USP7: variants seen among roughly 807,000 people sequenced by gnomAD.
The protein encoded by USP7 is ubiquitin specific peptidase 7.
Under a neutral mutation model 162.9 loss-of-function variants are expected in USP7, and 9 were observed. The ratio of observed to expected loss-of-function variants is 0.06; its 90% CI spans 0.03 to 0.10. USP7 has a LOEUF of 0.10. USP7 is among the 10% of genes least tolerant of loss of function. The probability of loss-of-function intolerance (pLI) is 1.00; values close to 1 mark genes in which losing one functional copy is unlikely to be tolerated. For missense variants in USP7, 715 were observed against 1,373.7 expected (o/e 0.52, Z 7.58); for synonymous variants, 562 against 475.9 (o/e 1.18, Z -2.35).
chr16:8,904,424 C>CG lies in USP7; in HGVS notation c.1704+10dup, dbSNP rs769729147. Reference sequence around the variant, plus strand: ...ATGGTGACCCGGAGTCCCAGAAGGGCGGGGGCTGACCTGCACTTGCATATA... The same window carrying CG: ...ATGGTGACCCGGAGTCCCAGAAGGGCGGGGGGCTGACCTGCACTTGCATATA... On this transcript the variant is annotated intron_variant, in intron 15 of 30. Transcript: ENST00000344836. 4.3e-6 allele frequency: 7 copies of CG among 1,611,956 alleles called. No homozygotes were observed. Among genetic ancestry groups the CG allele is most frequent in the Non-Finnish European group, 5.9e-6 (7 of 1,179,250 alleles).
At position 8,915,427 on chromosome 16, in the gene USP7, G is replaced by A; in HGVS notation, c.987+18C>T. On this transcript the variant is annotated intron_variant, in intron 9 of 30. Coordinates refer to ENST00000344836, the MANE Select transcript of USP7 (RefSeq NM_003470.3). ...TAAAACCTTTAAAAATCATCTTTTA[G>A]AACTGGTAGCCACATACCACCATTT... 6.2e-7 allele frequency: 1 copy of A among 1,613,698 alleles called. No homozygotes were observed. Among genetic ancestry groups the A allele is most frequent in the Non-Finnish European group, 8.5e-7 (1 of 1,179,934 alleles).
chr16:8,899,913 C>A, intron 21 of USP7, 156 bp from the exon 22 acceptor site: 1 of 871,958 alleles, frequency 1.1e-6, no homozygotes, highest in Non-Finnish European at 1.8e-6. Flanking sequence ...TCTGCCTGAG[C>A]TCCCTCTGTA....
chr16:8,926,386 G>A (rs1167444640), intron 2 of USP7, among the ~76,000 whole-genome samples: 1 of 152,134 alleles, frequency 6.6e-6, no homozygotes. Flanking sequence ...GGTCGAGGCA[G>A]GAGAATCGCT....
intron 11 of USP7, among the ~76,000 whole-genome samples, chr16:8,909,211 C>T (rs1417323957): frequency 5.9e-5 from 9 of 152,216 alleles, no homozygotes; most frequent in Non-Finnish European, 1.3e-4. Flanking sequence ...TTGCCTATCT[C>T]GACCACGGCC....
At chr16:8,941,939 C>G (rs1331504833) in intron 1 of USP7, among the ~76,000 whole-genome samples, 1 of 152,182 alleles carries the variant, frequency 6.6e-6, no homozygotes, top group Non-Finnish European at 1.5e-5. Context: ...GGCAAACGCA[C>G]ACAGTGACAG....
intron 1 of USP7, among the ~76,000 whole-genome samples, chr16:8,954,608 G>C (rs1168185856): frequency 6.6e-6 from 1 of 152,214 alleles, no homozygotes; most frequent in African/African-American, 2.4e-5. Context: ...TTTCTACAGA[G>C]ATGAAGACTT....
intron 6 of USP7, among the ~76,000 whole-genome samples, chr16:8,917,899 C>T (rs1897462623): frequency 6.6e-6 from 1 of 152,146 alleles, no homozygotes; most frequent in African/African-American, 2.4e-5. Flanking sequence ...ACGCCATTCT[C>T]CTGCCTCAGC....
At chr16:8,912,234 C>A (rs2061958448) in intron 10 of USP7, among the ~76,000 whole-genome samples, 1 of 152,028 alleles carries the variant, frequency 6.6e-6, no homozygotes, top group Non-Finnish European at 1.5e-5. Context: ...CGTGGATCGC[C>A]TGAGGTCAGG....
At chr16:8,911,407 T>G (rs1209692645) in intron 10 of USP7, among the ~76,000 whole-genome samples, 7 of 152,104 alleles carry the variant, frequency 4.6e-5, no homozygotes, top group Admixed American at 4.6e-4. Flanking sequence ...ATGGTAACAT[T>G]AAGAGTGAAA....
At chr16:8,935,015 C>T (rs867896154) in intron 1 of USP7, among the ~76,000 whole-genome samples, 1 of 152,226 alleles carries the variant, frequency 6.6e-6, no homozygotes, top group Non-Finnish European at 1.5e-5. Context: ...CTGTACTAGA[C>T]TTCTAGAAAT....
Position 8,921,146 on chromosome 16 carries a change from C to T in USP7, c.522+11G>A, listed in dbSNP as rs765270151. The T allele has an allele frequency of 6.2e-7, 1 of 1,613,214 alleles. No homozygotes were observed. Among genetic ancestry groups the T allele is most frequent in the South Asian group, 1.1e-5 (1 of 91,062 alleles). On this transcript the variant is annotated intron_variant, in intron 4 of 30. Coordinates refer to ENST00000344836, the MANE Select transcript of USP7 (RefSeq NM_003470.3). ...GCACCAATTGTTCAGACTAAATACA[C>T]TGTTACTTACACTCCAGGCCATAAA...
At position 8,923,433 on chromosome 16, in the gene USP7, T is replaced by A. The variant is rs202226527; in HGVS notation, c.185-20A>T. On this transcript the variant is annotated intron_variant, in intron 2 of 30. Coordinates refer to ENST00000344836, the MANE Select transcript of USP7 (RefSeq NM_003470.3). The stretch of plus-strand genomic sequence containing the variant: ...TGGTGTCTGCAAAAAAAACACATCA[T>A]CAGTCACAGAGCCTGTGCATTGACC... The A allele has an allele frequency of 1.3e-5, 21 of 1,613,136 alleles. No homozygotes were observed. The highest frequency in any genetic ancestry group is 1.6e-5 in the Non-Finnish European group (19 of 1,179,544).
At chr16:8,936,626 C>G (rs776721993) in intron 1 of USP7, 1 of 1,558,084 alleles carries the variant, frequency 6.4e-7, no homozygotes, top group South Asian at 1.2e-5. Flanking sequence ...CTGCATGGCT[C>G]TGCAGTGGCC....
intron 1 of USP7, among the ~76,000 whole-genome samples, chr16:8,945,420 G>T (rs1899233412): frequency 6.6e-6 from 1 of 152,180 alleles, no homozygotes; most frequent in Non-Finnish European, 1.5e-5. Context: ...AAGACTAGTT[G>T]TCCAGAGAGT....
At chr16:8,916,749 G>A (rs1025477214) in intron 7 of USP7, among the ~76,000 whole-genome samples, 193 bp from the exon 8 acceptor site, 1 of 152,168 alleles carries the variant, frequency 6.6e-6, no homozygotes, top group Non-Finnish European at 1.5e-5. Context: ...CCAAGAAAAT[G>A]TAATAAATCT....
chr16:8,939,821 C>A (rs753750730), intron 1 of USP7, among the ~76,000 whole-genome samples: 1 of 152,214 alleles, frequency 6.6e-6, no homozygotes, highest in African/African-American at 2.4e-5. Context: ...TGTTTCTGGC[C>A]GAGCGCAGTG....
chr16:8,955,719 A>AAAC (rs1899767276), intron 1 of USP7, among the ~76,000 whole-genome samples: 3 of 131,604 alleles, frequency 2.3e-5, no homozygotes, highest in African/African-American at 6.1e-5. Flanking sequence ...AAAAAAAAAA[A>AAAC]AAAAAAACAT....
intron 1 of USP7, chr16:8,949,559 A>C (rs1267005302): frequency 2.0e-5 from 3 of 152,242 alleles, no homozygotes; most frequent in Admixed American, 2.0e-4. Flanking sequence ...CTTACCTCCA[A>C]ATCCCCGAGC....
At chr16:8,935,941 G>C (rs941976254) in intron 1 of USP7, 1 of 152,082 alleles carries the variant, frequency 6.6e-6, no homozygotes, top group African/African-American at 2.4e-5. Flanking sequence ...TTCAGCACGC[G>C]AATCTAACCC....
Sources: gnomAD v4.1 joint callset for allele counts (sites outside exome capture counted in the v4.1 genomes callset) on GRCh38, gnomAD v4.1.1 for gene constraint, MANE v1.5 for transcripts, NCBI Gene and HGNC (gene_info 2026-07-23, HGNC 2026-07-21) for gene names.